The following NALCN variants were observed in gnomAD, a reference collection of about 807,000 sequenced individuals.
The protein encoded by NALCN is sodium leak channel NALCN.
NALCN carries 111 observed loss-of-function variants against 225.3 expected under a neutral mutation model. The observed-to-expected ratio is 0.49, with a 90% CI of 0.42 to 0.58. The LOEUF is 0.58. Ranked by LOEUF, NALCN falls within the 20% of genes least tolerant of loss-of-function variation. The pLI is 0.00. For synonymous variants in NALCN, 764 were observed against 769.0 expected, an observed-to-expected ratio of 0.99 and a Z score of 0.11; for missense variants, 1,378 against 2,202.4, an observed-to-expected ratio of 0.63 and a Z score of 7.49.
intron 17 of NALCN, among the ~76,000 whole-genome samples, chr13:101,139,122 G>A (rs1018642865): frequency 1.3e-5 from 2 of 152,134 alleles, no homozygotes; most frequent in Non-Finnish European, 2.9e-5. Flanking sequence ...GTTGTTTTCT[G>A]GGAGAAGGAC....
At chr13:101,072,437 T>C (rs1392462217) in intron 37 of NALCN, among the ~76,000 whole-genome samples, 1 of 152,248 alleles carries the variant, frequency 6.6e-6, no homozygotes, top group Non-Finnish European at 1.5e-5. Flanking sequence ...AAAAACTCTC[T>C]CATTGTTTAC....
intron 13 of NALCN, among the ~76,000 whole-genome samples, chr13:101,223,546 T>C (rs919137999): frequency 3.9e-5 from 6 of 152,118 alleles, no homozygotes; most frequent in Admixed American, 1.3e-4. Context: ...AATTCATTTC[T>C]CAGATTACTC....
At chr13:101,387,245 A>AT (rs1566640753) in intron 3 of NALCN, among the ~76,000 whole-genome samples, 5 of 149,964 alleles carry the variant, frequency 3.3e-5, no homozygotes, top group African/African-American at 1.2e-4. Flanking sequence ...AAAAAAAAAA[A>AT]AAAAAAAAAC....
chr13:101,072,473 T>G (rs904385529), intron 37 of NALCN, among the ~76,000 whole-genome samples: 2 of 152,250 alleles, frequency 1.3e-5, no homozygotes, highest in African/African-American at 4.8e-5. Flanking sequence ...CCGACACCTC[T>G]GAGAGAACTT....
intron 15 of NALCN, among the ~76,000 whole-genome samples, chr13:101,167,160 G>T (rs566287011): frequency 6.6e-6 from 1 of 152,302 alleles, no homozygotes; most frequent in South Asian, 2.1e-4. Flanking sequence ...ACATCTTCAA[G>T]TTTGTTCTTT....
In NALCN at chr13:101,268,425, T is replaced by G. The variant is rs139835097; in HGVS notation, c.1135-9851A>C. Among the ~76,000 whole-genome samples the G allele has an allele frequency of 9.2e-5, 14 of 152,310 alleles. 1 individual carries two copies. Among genetic ancestry groups the G allele is most frequent in the Middle Eastern group, 3.4e-3 (1 of 294 alleles). On this transcript the variant is annotated intron_variant, in intron 10 of 43. Coordinates refer to ENST00000251127, the MANE Select transcript of NALCN (RefSeq NM_052867.4). ...TCTTATGGCATCTCTGAGTCTGCTG[T>G]AGGGTATTTGAAAACTCATACATTG...
intron 11 of NALCN, among the ~76,000 whole-genome samples, chr13:101,248,118 G>A (rs1006566919): frequency 3.9e-5 from 6 of 152,078 alleles, no homozygotes; most frequent in African/African-American, 9.7e-5. Context: ...ACAGTGCTGC[G>A]ATGAACATAT....
intron 27 of NALCN, among the ~76,000 whole-genome samples, chr13:101,097,086 G>A (rs774700623): frequency 2.0e-5 from 3 of 152,100 alleles, no homozygotes; most frequent in Admixed American, 6.6e-5. Context: ...TTCTTACTAC[G>A]ATGAGTTTAG....
intron 11 of NALCN, among the ~76,000 whole-genome samples, chr13:101,252,537 T>C (rs546226789): frequency 6.6e-6 from 1 of 152,128 alleles, no homozygotes; most frequent in Non-Finnish European, 1.5e-5. Context: ...AGAGCCTGCC[T>C]GGCTGATGAC....
chr13:101,329,176 T>C (rs979182043), intron 7 of NALCN, among the ~76,000 whole-genome samples: 2 of 152,198 alleles, frequency 1.3e-5, no homozygotes, highest in African/African-American at 2.4e-5. Flanking sequence ...AGATAATATA[T>C]CTGTATGCAC....
At chr13:101,081,056 A>G (rs1008047686) in intron 34 of NALCN, among the ~76,000 whole-genome samples, 3 of 152,170 alleles carry the variant, frequency 2.0e-5, no homozygotes, top group Admixed American at 1.3e-4. Flanking sequence ...AGAAAATGAA[A>G]CAGTGGAAGC....
At chr13:101,344,726 C>T (rs776633065) in intron 7 of NALCN, among the ~76,000 whole-genome samples, 2 of 152,182 alleles carry the variant, frequency 1.3e-5, no homozygotes, top group Admixed American at 1.3e-4. Context: ...AGAATGTACA[C>T]ATTTGAGCAC....
intron 7 of NALCN, among the ~76,000 whole-genome samples, chr13:101,321,927 A>G (rs2044759725): frequency 6.6e-6 from 1 of 152,202 alleles, no homozygotes; most frequent in Non-Finnish European, 1.5e-5. Flanking sequence ...GAAAAGAATT[A>G]ATGTATTTCT....
intron 15 of NALCN, among the ~76,000 whole-genome samples, chr13:101,164,423 C>T (rs1566367511): frequency 6.6e-6 from 1 of 152,128 alleles, no homozygotes; most frequent in Non-Finnish European, 1.5e-5. Flanking sequence ...TCACAAGCAG[C>T]TGGGACCACA....
At chr13:101,154,021 C>T (rs2037783051) in intron 15 of NALCN, among the ~76,000 whole-genome samples, 1 of 152,154 alleles carries the variant, frequency 6.6e-6, no homozygotes, top group South Asian at 2.1e-4. Flanking sequence ...TCTTATAAAT[C>T]CTTCCAAAAC....
intron 9 of NALCN, among the ~76,000 whole-genome samples, chr13:101,285,255 A>T (rs2043297693): frequency 6.6e-6 from 1 of 152,168 alleles, no homozygotes; most frequent in African/African-American, 2.4e-5. Flanking sequence ...TGAGGTGGTG[A>T]GAGACAGTTG....
chr13:101,404,302 A>G, intron 1 of NALCN, among the ~76,000 whole-genome samples: 1 of 152,244 alleles, frequency 6.6e-6, no homozygotes, highest in Admixed American at 6.5e-5. Flanking sequence ...AAAATCCAGG[A>G]GAGCTGACTG....
At chr13:101,262,198 G>A (rs534143470) in intron 10 of NALCN, among the ~76,000 whole-genome samples, 5 of 152,216 alleles carry the variant, frequency 3.3e-5, no homozygotes, top group African/African-American at 4.8e-5. Context: ...GGATAAATCC[G>A]ACTTGGTCAT....
chr13:101,196,228 T>C (rs2039884320), intron 13 of NALCN, among the ~76,000 whole-genome samples: 1 of 152,200 alleles, frequency 6.6e-6, no homozygotes, highest in Non-Finnish European at 1.5e-5. Context: ...TTCTCACATG[T>C]CTCATTGGGA....
Sources: gnomAD v4.1 joint callset for allele counts (sites outside exome capture counted in the v4.1 genomes callset) on GRCh38, gnomAD v4.1.1 for gene constraint, MANE v1.5 for transcripts, NCBI Gene and HGNC (gene_info 2026-07-23, HGNC 2026-07-21) for gene names.